Variants in BTBD18 observed in about 807,000 individuals in gnomAD.
BTBD18 encodes BTB/POZ domain-containing protein 18.
For synonymous variants in BTBD18, 311 were observed against 324.4 expected (o/e 0.96, Z 0.44); for missense variants, 787 against 846.3 (o/e 0.93, Z 0.87).
In BTBD18 at chr11:57,751,204, A is replaced by C; in HGVS notation, c.-16T>G. 6.5e-7 allele frequency: 1 copy of C among 1,527,232 alleles called. No homozygotes were observed. The highest frequency in any genetic ancestry group is 2.5e-5 in the East Asian group (1 of 40,206). 94.6% of individuals were successfully genotyped at this position (1,527,232 alleles called of 1,614,324 possible). A position where few individuals can be genotyped will look rare whatever the true frequency, so the allele number is the denominator to read the frequency against. ...GAGAGCACATGTTGGCAAGAGTCTTAACAAACCTTCTAGGTTTTCACAGAT... is the reference window on the plus strand; with the variant it reads ...GAGAGCACATGTTGGCAAGAGTCTTCACAAACCTTCTAGGTTTTCACAGAT... On this transcript the variant is annotated 5_prime_UTR_variant, in exon 2 of 3. Coordinates refer to ENST00000422652, the MANE Select transcript of BTBD18 (RefSeq NM_001145101.3).
At chr11:57,747,671 G>GT (rs1225053252) in intron 2 of BTBD18, among the ~76,000 whole-genome samples, 1 of 151,990 alleles carries the variant, frequency 6.6e-6, no homozygotes, top group Non-Finnish European at 1.5e-5. Context: ...GCTAATTTTT[G>GT]TATTTTTAGT....
chr11:57,752,882 G>A (rs1286323333), upstream of BTBD18, among the ~76,000 whole-genome samples: 1 of 152,246 alleles, frequency 6.6e-6, no homozygotes, highest in Non-Finnish European at 1.5e-5. Context: ...CGCACGCTTG[G>A]GCGCCCTGGC....
rs1949137750 is a variant in BTBD18, at chr11:57,743,717, A to G, written c.*417T>C. 2 of 171,742 alleles carry G rather than the reference A, an allele frequency of 1.2e-5. No homozygotes were observed. The highest frequency in any genetic ancestry group is 2.8e-4 in the South Asian group (2 of 7,036). 10.6% of individuals were successfully genotyped at this position (171,742 alleles called of 1,614,324 possible). On this transcript the variant is annotated 3_prime_UTR_variant, in exon 3 of 3. Coordinates refer to ENST00000422652, the MANE Select transcript of BTBD18 (RefSeq NM_001145101.3). ...CCACCCACTTAGTATTCCACCCAACACTGCTTCACACCTTCCTCTGGAACA... is the reference window on the plus strand; with the variant it reads ...CCACCCACTTAGTATTCCACCCAACGCTGCTTCACACCTTCCTCTGGAACA...
At chr11:57,750,053 AAAC>A (rs1271930268) in intron 2 of BTBD18, among the ~76,000 whole-genome samples, 1 of 152,178 alleles carries the variant, frequency 6.6e-6, no homozygotes. Flanking sequence ...TTCTAGCAAC[AAAC>A]AACAAAAGTC....
upstream of BTBD18, among the ~76,000 whole-genome samples, chr11:57,752,487 T>C (rs1054565634): frequency 1.3e-5 from 2 of 149,994 alleles, no homozygotes; most frequent in African/African-American, 4.9e-5. Context: ...ATAGAGCCAC[T>C]GCACTCCAGC....
upstream of BTBD18, among the ~76,000 whole-genome samples, chr11:57,752,849 G>T (rs577799246): frequency 2.6e-4 from 40 of 152,366 alleles, 1 homozygote; most frequent in Admixed American, 2.4e-3. Flanking sequence ...GCTTCAGGGA[G>T]AGCCCTGCAA....
In BTBD18 at chr11:57,751,158, A is replaced by G. The variant is rs1344589317; in HGVS notation, c.31T>C (p.Tyr11His). 1.3e-6 allele frequency: 2 copies of G among 1,547,794 alleles called. No homozygotes were observed. Among genetic ancestry groups the G allele is most frequent in the Admixed American group, 4.0e-5 (2 of 50,032 alleles). The part of the protein sequence containing the change: MCSPASPKIL[Y>H]RNPRFLRLAF... ...AACCTGAGGAACCGGGGGTTCCTGT[A>G]TAGGATTTTGGGACTGGCAGGAGAG... The change falls in exon 2 of 3, where the codon TAC (tyrosine) becomes CAC (histidine). Residue 11 changes from tyrosine to histidine, a missense_variant. Transcript: ENST00000422652.
chr11:57,745,107 G>C lies in BTBD18; in HGVS notation c.1166C>G (p.Pro389Arg). 1 of 1,551,656 alleles carries C rather than the reference G, an allele frequency of 6.4e-7. No individual in the cohort carries two copies. The highest frequency in any genetic ancestry group is 8.7e-7 in the Non-Finnish European group (1 of 1,146,978). ...NTQDSPQIPD[P>R]GGDFQEPSGT... ...TGAAGGCTCTTGGAAGTCTCCTCCG[G>C]GATCTGGGATCTGGGGGCTATCTTG... Residue 389 changes from proline (P) to arginine (R), a missense_variant, in exon 3 of 3, where the codon CCC (proline) becomes CGC (arginine). Coordinates refer to ENST00000422652, the MANE Select transcript of BTBD18 (RefSeq NM_001145101.3).
Position 57,744,417 on chromosome 11 carries a change from G to T in BTBD18, c.1856C>A (p.Pro619His), listed in dbSNP as rs879263915. ...TGAGAGGTCCCCATAAGACCTCTGG[G>T]GAGTATCAAGGGAGCTGACATGGAG... ...KLLHVSSLDT[P>H]QRSYGDLSPP... Residue 619 changes from proline to histidine, a missense_variant, in exon 3 of 3, where the codon CCC becomes CAC. Coordinates refer to ENST00000422652, the MANE Select transcript of BTBD18 (RefSeq NM_001145101.3). 40 of 1,551,554 alleles carry T rather than the reference G, an allele frequency of 2.6e-5. No individual in the cohort carries two copies. Among genetic ancestry groups the T allele is most frequent in the Middle Eastern group, 1.7e-4 (1 of 6,010 alleles).
At chr11:57,752,616 C>T (rs995392076), upstream of BTBD18, among the ~76,000 whole-genome samples, 2 of 152,188 alleles carry the variant, frequency 1.3e-5, no homozygotes, top group African/African-American at 4.8e-5. Flanking sequence ...TCTCAATCCA[C>T]GATCGCCTGG....
rs74989758 is a variant in BTBD18, at chr11:57,749,043, T to C, written c.124+2022A>G. On this transcript the variant is annotated intron_variant, in intron 2 of 2. Coordinates refer to ENST00000422652, the MANE Select transcript of BTBD18 (RefSeq NM_001145101.3). ...AAATCCCTGCTTCCTCCCACTTGTTTGTCTTTCAGATCTCACCTAAGGGGT... is the reference window on the plus strand; with the variant it reads ...AAATCCCTGCTTCCTCCCACTTGTTCGTCTTTCAGATCTCACCTAAGGGGT... 6.5e-3 allele frequency among the ~76,000 whole-genome samples: 983 copies of C among 152,354 alleles called. 5 individuals carry two copies. Among genetic ancestry groups the C allele is most frequent in the African/African-American group, 0.023 (951 of 41,588 alleles).
intron 2 of BTBD18, among the ~76,000 whole-genome samples, chr11:57,746,803 T>G (rs1221984342): frequency 4.9e-4 from 18 of 36,566 alleles, no homozygotes; most frequent in Non-Finnish European, 9.4e-4. Context: ...ATACCTTGTC[T>G]CCAAAAAAAA....
rs994913483 is a variant in BTBD18, at chr11:57,744,079, T to C, written c.*55A>G. 5 of 1,331,432 alleles carry C rather than the reference T, an allele frequency of 3.8e-6. No homozygotes were observed. The Admixed American group carries it at 9.3e-5, about 25-fold the overall frequency. 82.5% of individuals were successfully genotyped at this position (1,331,432 alleles called of 1,614,324 possible). A position where few individuals can be genotyped will look rare whatever the true frequency, so the allele number is the denominator to read the frequency against. ...CCAGCTTCTCTGCCAGTAAGCCTTT[T>C]GCTAGCTAACATTTCCCACCCTCCC... On this transcript the variant is annotated 3_prime_UTR_variant, in exon 3 of 3. Transcript: ENST00000422652.
rs1010405978 is a variant in BTBD18, at chr11:57,745,357, C to G, written c.916G>C (p.Glu306Gln). ...GGTTTTGGCTTGTCCTCTGGTGTTT[C>G]TTTATTTACACTCCTCTGCCGCCAA... ...RLWRQRSVNK[E>Q]TPEDKPKPGR... The change falls in exon 3 of 3, where the codon GAA becomes CAA. Residue 306 changes from glutamate to glutamine, a missense_variant. Physicochemically the swap from Glu to Gln is conservative, Grantham distance 29. Coordinates refer to ENST00000422652, the MANE Select transcript of BTBD18 (RefSeq NM_001145101.3). The G allele has an allele frequency of 3.2e-6, 5 of 1,551,676 alleles. No individual in the cohort carries two copies. Among genetic ancestry groups the G allele is most frequent in the African/African-American group, 2.7e-5 (2 of 73,132 alleles).
Position 57,744,684 on chromosome 11 carries a change from G to T in BTBD18, c.1589C>A (p.Thr530Lys). The change falls in exon 3 of 3, where the codon ACA becomes AAA. Residue 530 changes from threonine (T) to lysine (K), a missense_variant. Coordinates refer to ENST00000422652, the MANE Select transcript of BTBD18 (RefSeq NM_001145101.3). ...TTCAATCCAGTTCTTTCCTGTTTCT[G>T]TCAGATGGTAGGTAGGCGTTCTGCA... is the stretch of plus-strand genomic sequence containing the variant. ...EGCRTPTYHL[T>K]ETGKNWIEGE... 1 of 1,551,714 alleles carries T rather than the reference G, an allele frequency of 6.4e-7. No individual in the cohort carries two copies. Among genetic ancestry groups the T allele is most frequent in the South Asian group, 1.2e-5 (1 of 84,058 alleles).
intron 2 of BTBD18, among the ~76,000 whole-genome samples, chr11:57,747,576 G>A (rs911436172): frequency 6.6e-6 from 1 of 152,206 alleles, no homozygotes; most frequent in Non-Finnish European, 1.5e-5. Flanking sequence ...GTGCAATGGT[G>A]CGATCTCAGG....
chr11:57,748,031 G>T (rs978067261), intron 2 of BTBD18, among the ~76,000 whole-genome samples: 6 of 152,068 alleles, frequency 3.9e-5, no homozygotes, highest in Admixed American at 2.6e-4. Context: ...CAAACTCCTG[G>T]GCTAAAACAA....
chr11:57,746,901 C>G (rs982952679), intron 2 of BTBD18, among the ~76,000 whole-genome samples: 1 of 151,674 alleles, frequency 6.6e-6, no homozygotes, highest in African/African-American at 2.4e-5. Context: ...TGGCACTTAG[C>G]TATCTGTATT....
Position 57,744,773 on chromosome 11 carries a change from G to C in BTBD18, c.1500C>G (p.Phe500Leu). 2.6e-6 allele frequency: 4 copies of C among 1,551,746 alleles called. No homozygotes were observed. Among genetic ancestry groups the C allele is most frequent in the South Asian group, 1.2e-5 (1 of 84,060 alleles). ...ATSELEEILDFMLCGSDIEPP... is the reference protein window; with the variant it reads ...ATSELEEILDLMLCGSDIEPP... The stretch of plus-strand genomic sequence containing the variant: ...GTTCAATGTCTGAGCCACAGAGCAT[G>C]AAGTCCAGGATCTCCTCCAGCTCAC... The change falls in exon 3 of 3, where the codon TTC becomes TTG. Residue 500 changes from phenylalanine to leucine, a missense_variant. Physicochemically the swap from Phe to Leu is conservative, Grantham distance 22 (BLOSUM62 0). Coordinates refer to ENST00000422652, the MANE Select transcript of BTBD18 (RefSeq NM_001145101.3).
Sources: allele counts gnomAD v4.1 joint callset (sites outside exome capture counted in the v4.1 genomes callset), GRCh38; gene constraint gnomAD v4.1.1; transcripts MANE v1.5; gene names NCBI Gene and HGNC (gene_info 2026-07-23, HGNC 2026-07-21).